SLC36A1: variants seen among roughly 807,000 people sequenced by gnomAD.
The protein encoded by SLC36A1 is solute carrier family 36 member 1, also known as proton-coupled amino acid transporter 1.
A neutral mutation model predicts 47.5 loss-of-function variants in SLC36A1; 30 were observed. That is an observed-to-expected ratio of 0.63 (90% confidence interval 0.47 to 0.86). The LOEUF is 0.86. Ranked by LOEUF, SLC36A1 falls within the 40% of genes least tolerant of loss-of-function variation. SLC36A1 has a pLI of 0.00. For missense variants in SLC36A1, 517 were observed against 606.0 expected (o/e 0.85, Z 1.54); for synonymous variants, 255 against 249.7 (o/e 1.02, Z -0.20).
At chr5:151,422,325 C>T in the SLC36A1 span, 2 of 152,084 alleles carry the variant, frequency 1.3e-5, no homozygotes, top group Non-Finnish European at 2.9e-5. Context: ...AGAAGACAAG[C>T]GATAAGCTGG....
At chr5:151,549,121 C>T in the SLC36A1 span, among the ~76,000 whole-genome samples, 1 of 152,168 alleles carries the variant, frequency 6.6e-6, no homozygotes, top group Admixed American at 6.5e-5. Context: ...TATGTTATTA[C>T]TACCTTTGGA....
chr5:151,485,002 T>C (rs1229619222), intron 10 of SLC36A1, among the ~76,000 whole-genome samples: 1 of 152,158 alleles, frequency 6.6e-6, no homozygotes, highest in African/African-American at 2.4e-5. Context: ...GGCAAGTGTC[T>C]TGGTGTCGGT....
the SLC36A1 span, among the ~76,000 whole-genome samples, chr5:151,353,622 T>C: frequency 6.6e-6 from 1 of 152,184 alleles, no homozygotes; most frequent in Non-Finnish European, 1.5e-5. Flanking sequence ...GTGCATTCTG[T>C]GGGTTTGGAC....
the SLC36A1 span, among the ~76,000 whole-genome samples, chr5:151,515,097 C>G: frequency 1.9e-4 from 29 of 152,246 alleles, no homozygotes; most frequent in Middle Eastern, 3.4e-3. Context: ...CCATTGGTGT[C>G]AGGGGATTCA....
chr5:151,359,588 G>C, the SLC36A1 span, among the ~76,000 whole-genome samples: 2 of 152,118 alleles, frequency 1.3e-5, no homozygotes, highest in Non-Finnish European at 2.9e-5. Flanking sequence ...TCACCACCAC[G>C]AGCCAGTTTT....
At chr5:151,549,091 CT>C in the SLC36A1 span, among the ~76,000 whole-genome samples, 11 of 152,212 alleles carry the variant, frequency 7.2e-5, no homozygotes, top group Non-Finnish European at 1.3e-4. Context: ...ATGAGTGGTC[CT>C]TACTCATATT....
chr5:151,390,778 C>G, the SLC36A1 span, among the ~76,000 whole-genome samples: 1 of 152,122 alleles, frequency 6.6e-6, no homozygotes, highest in South Asian at 2.1e-4. Flanking sequence ...CTCTGTTTTG[C>G]TACCAGTACC....
At chr5:151,379,628 G>A in the SLC36A1 span, among the ~76,000 whole-genome samples, 329 of 152,268 alleles carry the variant, frequency 2.2e-3, no homozygotes, top group African/African-American at 7.3e-3. Flanking sequence ...CACCGTGCCC[G>A]GCGCTCTTCA....
the SLC36A1 span, among the ~76,000 whole-genome samples, chr5:151,356,339 C>CAAAAAAAAAAAAAGAAAA: frequency 1.9e-5 from 1 of 51,314 alleles, no homozygotes; most frequent in Non-Finnish European, 4.2e-5. Context: ...CTCTGTCTCA[C>CAAAAAAAAAAAAAGAAAA]AAAAAAAAAA....
At chr5:151,366,491 G>T in the SLC36A1 span, 1 of 306,326 alleles carries the variant, frequency 3.3e-6, no homozygotes, top group African/African-American at 2.2e-5. Context: ...ACAAAGCCCA[G>T]GATGCTGATC....
chr5:151,378,447 A>G, the SLC36A1 span: 486 of 202,444 alleles, frequency 2.4e-3, 8 homozygotes, highest in African/African-American at 0.011. Context: ...AACACCAGCT[A>G]TATCTGTCTT....
At chr5:151,390,129 G>A in the SLC36A1 span, among the ~76,000 whole-genome samples, 2 of 152,188 alleles carry the variant, frequency 1.3e-5, no homozygotes, top group Non-Finnish European at 2.9e-5. Context: ...GTATCTCATT[G>A]TGGTTTTGAT....
downstream of SLC36A1, among the ~76,000 whole-genome samples, chr5:151,495,350 A>T (rs1760308983): frequency 6.6e-6 from 1 of 152,216 alleles, no homozygotes; most frequent in African/African-American, 2.4e-5. Context: ...ATTGGGAAAT[A>T]ATTGTAGATT....
At chr5:151,533,135 G>A in the SLC36A1 span, among the ~76,000 whole-genome samples, 1 of 152,102 alleles carries the variant, frequency 6.6e-6, no homozygotes, top group African/African-American at 2.4e-5. Context: ...GGCAGGACCA[G>A]GAATGACAGA....
At chr5:151,353,746 A>G in the SLC36A1 span, among the ~76,000 whole-genome samples, 1 of 152,138 alleles carries the variant, frequency 6.6e-6, no homozygotes, top group Non-Finnish European at 1.5e-5. Flanking sequence ...AACTCCTGGC[A>G]ACTACTGATA....
At chr5:151,450,540 T>C (rs372342094) in intron 1 of SLC36A1, among the ~76,000 whole-genome samples, 5 of 152,150 alleles carry the variant, frequency 3.3e-5, no homozygotes, top group Middle Eastern at 3.2e-3. Flanking sequence ...ATGGAGCCGA[T>C]GTCCACTTAC....
chr5:151,452,603 T>G (rs908409457), intron 1 of SLC36A1: 1 of 152,182 alleles, frequency 6.6e-6, no homozygotes, highest in African/African-American at 2.4e-5. Context: ...ATAAAACGCC[T>G]CTTGCCTGTA....
the SLC36A1 span, among the ~76,000 whole-genome samples, chr5:151,367,263 G>A: frequency 6.6e-6 from 1 of 152,004 alleles, no homozygotes; most frequent in Admixed American, 6.5e-5. Flanking sequence ...TAAGCCTGAG[G>A]GTTCTGCGGG....
At chr5:151,506,146 T>TATATA in the SLC36A1 span, 6 of 1,489,016 alleles carry the variant, frequency 4.0e-6, no homozygotes, top group African/African-American at 8.4e-5. Context: ...CCCCGGAAGG[T>TATATA]TTCAGCTGGC....
Sources: gnomAD v4.1 joint callset for allele counts (sites outside exome capture counted in the v4.1 genomes callset) on GRCh38, gnomAD v4.1.1 for gene constraint, MANE v1.5 for transcripts, NCBI Gene and HGNC (gene_info 2026-07-23, HGNC 2026-07-21) for gene names.